Variants in FGFR3 observed in about 807,000 individuals in gnomAD.
FGFR3 encodes the protein fibroblast growth factor receptor 3.
In FGFR3, 25 loss-of-function variants were observed where a neutral mutation model predicts 82.9. That is an observed-to-expected ratio of 0.30 (90% CI 0.22 to 0.42). The LOEUF (loss-of-function observed/expected upper bound fraction) is 0.42, where lower values mean the gene tolerates loss of function less well. Ranked by LOEUF, FGFR3 falls within the 10% of genes least tolerant of loss-of-function variation. FGFR3 has a pLI of 1.00. For synonymous variants in FGFR3, 620 were observed against 516.0 expected, an observed-to-expected ratio of 1.20 and a Z score of -2.73; for missense variants, 1,026 against 1,161.0, an observed-to-expected ratio of 0.88 and a Z score of 1.69.
intron 10 of FGFR3, 91 bp downstream of exon 10, chr4:1,805,060 G>A (rs1721711175): frequency 8.9e-6 from 13 of 1,462,354 alleles, no homozygotes; most frequent in Admixed American, 2.2e-5. Flanking sequence ...GGGTTTAGGG[G>A]CCGTCAGGGA....
In FGFR3 at chr4:1,807,977, G is replaced by A. The variant is rs1722182944; in HGVS notation, c.*715G>A. On this transcript the variant is annotated 3_prime_UTR_variant, in exon 18 of 18. Transcript: ENST00000440486. ...GCCTGCGACCCTGGGGGCACAGGAGGCAGGCATGGCCCTGGGCGGGGCGTG... is the reference window on the plus strand; with the variant it reads ...GCCTGCGACCCTGGGGGCACAGGAGACAGGCATGGCCCTGGGCGGGGCGTG... The A allele has an allele frequency of 4.0e-6, 1 of 252,630 alleles. No individual in the cohort carries two copies. The highest frequency in any genetic ancestry group is 2.2e-5 in the African/African-American group (1 of 45,436). The allele number at this position is 252,630 out of a possible 1,614,324, so 15.6% of individuals were successfully genotyped here.
chr4:1,805,719 G>C (rs1235192208), intron 12 of FGFR3, 31 bp from the exon 13 acceptor site: 3 of 1,611,594 alleles, frequency 1.9e-6, no homozygotes, highest in South Asian at 1.1e-5. Context: ...TCCTGGGCCT[G>C]GCAGCCCGTC....
At position 1,802,029 on chromosome 4, in the gene FGFR3, GGCCACCGTGTGCACGTGGGT is replaced by G. The variant is rs1332973007; in HGVS notation, c.930+8_930+27del. ...ACCCTACGTTACCGTGCTCAAGGTG[GGCCACCGTGTGCACGTGGGT>G]GCCGCCGCTGGGGCTCCTGGGCTGG... On this transcript the variant is annotated splice_donor_5th_base_variant and intron_variant, in intron 7 of 17. Coordinates refer to ENST00000440486, the MANE Select transcript of FGFR3 (RefSeq NM_000142.5). The G allele has an allele frequency of 2.5e-6, 4 of 1,610,616 alleles. No homozygotes were observed. Among genetic ancestry groups the G allele is most frequent in the Admixed American group, 1.7e-5 (1 of 59,858 alleles).
rs774917626 is a variant in FGFR3, at chr4:1,801,473, C to T, written c.552C>T (p.Pro184=). The T allele has an allele frequency of 2.6e-6, 4 of 1,555,564 alleles. No individual in the cohort carries two copies. The highest frequency in any genetic ancestry group is 1.9e-5 in the Admixed American group (1 of 51,530). The change falls in exon 5 of 18, where the codon CCC becomes CCT. Residue 184 remains proline (P), a synonymous_variant. Transcript: ENST00000440486. The part of the protein sequence containing the change: ...FRCPAAGNPT[P]SISWLKNGRE... ...GCCCAGCCGCTGGCAACCCCACTCC[C>T]TCCATCTCCTGGCTGAAGAACGGCA...
chr4:1,804,445 C>T lies in FGFR3; in HGVS notation c.1191C>T (p.Arg397=), dbSNP rs764242973. The T allele has an allele frequency of 3.7e-6, 6 of 1,612,632 alleles. No individual in the cohort carries two copies. The highest frequency in any genetic ancestry group is 5.1e-6 in the Non-Finnish European group (6 of 1,179,692). The stretch of plus-strand genomic sequence containing the variant: ...TGGTGGCGGCTGTGACGCTCTGCCG[C>T]CTGCGCAGCCCCCCCAAGAAAGGCC... ...ILVVAAVTLC[R]LRSPPKKGLG... is the part of the protein sequence containing the mutation. The change falls in exon 9 of 18, where the codon CGC becomes CGT. Residue 397 remains arginine (R), a synonymous_variant. Transcript: ENST00000440486.
intron 9 of FGFR3, 46 bp from the exon 10 acceptor site, chr4:1,804,778 C>T (rs1164419471): frequency 6.5e-7 from 1 of 1,548,182 alleles, no homozygotes; most frequent in African/African-American, 1.4e-5. Context: ...TACCTCCACG[C>T]CCTGTCGCCC....
intron 7 of FGFR3, among the ~76,000 whole-genome samples, chr4:1,802,491 G>T (rs1173136647): frequency 6.6e-6 from 1 of 152,190 alleles, no homozygotes; most frequent in African/African-American, 2.4e-5. Context: ...CATGGCTGCC[G>T]GGTGGGGGCC....
intron 7 of FGFR3, 148 bp from the exon 8 acceptor site, chr4:1,803,544 C>A (rs1275919677): frequency 1.4e-6 from 2 of 1,381,450 alleles, no homozygotes; most frequent in African/African-American, 1.4e-5. Context: ...GGGCCCTCAG[C>A]CGCGTGGCGG....
At chr4:1,795,094 T>A (rs1720322069) in intron 2 of FGFR3, among the ~76,000 whole-genome samples, 1 of 151,344 alleles carries the variant, frequency 6.6e-6, no homozygotes, top group Non-Finnish European at 1.5e-5. Flanking sequence ...CGTCGGCGGC[T>A]GCAGCCTCCC....
At chr4:1,795,791 C>G (rs1038006020) in intron 2 of FGFR3, among the ~76,000 whole-genome samples, 1 of 152,204 alleles carries the variant, frequency 6.6e-6, no homozygotes, top group African/African-American at 2.4e-5. Flanking sequence ...CCACCCCACC[C>G]AGCAGGGGTC....
Position 1,793,942 on chromosome 4 carries a change from C to T in FGFR3, c.8C>T (p.Ala3Val). 1 of 1,325,630 alleles carries T rather than the reference C, an allele frequency of 7.5e-7. No homozygotes were observed. The highest frequency in any genetic ancestry group is 2.1e-5 in the South Asian group (1 of 47,852). The allele number at this position is 1,325,630 out of a possible 1,614,324, so 82.1% of individuals were successfully genotyped here. A position where few individuals can be genotyped will look rare whatever the true frequency, so the allele number is the denominator to read the frequency against. Residue 3 changes from alanine (A) to valine (V), a missense_variant, in exon 2 of 18, where the codon GCC becomes GTC. This residue lies in a region of FGFR3 where 226 missense variants were observed against 222.0 expected (regional missense o/e 1.02). Transcript: ENST00000440486. ...GCGGCCCCCGCCCCCGCCATGGGCG[C>T]CCCTGCCTGCGCCCTCGCGCTCTGC... MG[A>V]PACALALCVA...
intron 2 of FGFR3, among the ~76,000 whole-genome samples, chr4:1,798,465 G>A (rs996221273): frequency 3.3e-5 from 5 of 151,660 alleles, no homozygotes; most frequent in Non-Finnish European, 7.4e-5. Flanking sequence ...TATGTTTTCC[G>A]TCATGACCGC....
At chr4:1,802,147 C>T in intron 7 of FGFR3, 122 bp downstream of exon 7, 1 of 1,079,880 alleles carries the variant, frequency 9.3e-7, no homozygotes. Context: ...GGGGCAGAAG[C>T]TGTGGGGGTG....
chr4:1,799,335 C>G lies in FGFR3; in HGVS notation c.191C>G (p.Pro64Arg), dbSNP rs763406515. 1 of 1,612,588 alleles carries G rather than the reference C, an allele frequency of 6.2e-7. No homozygotes were observed. Among genetic ancestry groups the G allele is most frequent in the Non-Finnish European group, 8.5e-7 (1 of 1,179,900 alleles). ...GCTGTGGAGCTGAGCTGTCCCCCGC[C>G]CGGGGGTGGTCCCATGGGGCCCACT... ...GDAVELSCPP[P>R]GGGPMGPTVW... is the part of the protein sequence containing the mutation. The change falls in exon 3 of 18, where the codon CCC (proline) becomes CGC (arginine). Residue 64 changes from proline to arginine, a missense_variant. Transcript: ENST00000440486.
intron 2 of FGFR3, among the ~76,000 whole-genome samples, chr4:1,796,454 G>C (rs368801420): frequency 1.1e-3 from 172 of 152,236 alleles, no homozygotes; most frequent in African/African-American, 3.9e-3. Context: ...CTGTACCCCA[G>C]AGAGCTGCAG....
intron 4 of FGFR3, 108 bp from the exon 5 acceptor site, chr4:1,801,259 G>T (rs1560414204): frequency 7.9e-7 from 1 of 1,261,832 alleles, no homozygotes; most frequent in Non-Finnish European, 1.1e-6. Flanking sequence ...TACACAGGAC[G>T]GGAAACTGAG....
rs757651823 is a variant in FGFR3, at chr4:1,808,242, G to A, written c.*980G>A. 35 of 232,540 alleles carry A rather than the reference G, an allele frequency of 1.5e-4. No homozygotes were observed. Among genetic ancestry groups the A allele is most frequent in the Non-Finnish European group, 2.5e-4 (29 of 117,646 alleles). The allele number at this position is 232,540 out of a possible 1,614,324, so 14.4% of individuals were successfully genotyped here. On this transcript the variant is annotated 3_prime_UTR_variant, in exon 18 of 18. Coordinates refer to ENST00000440486, the MANE Select transcript of FGFR3 (RefSeq NM_000142.5). Reference sequence around the variant, plus strand: ...AGGTTTATCCCGCCGATAGAGGGACGGCCAAGAATGTACGTCCAGCCTGCC... The same window carrying A: ...AGGTTTATCCCGCCGATAGAGGGACAGCCAAGAATGTACGTCCAGCCTGCC...
chr4:1,806,479 C>G (rs2108810653), intron 15 of FGFR3, 67 bp from the exon 16 acceptor site: 2 of 1,611,740 alleles, frequency 1.2e-6, no homozygotes, highest in Non-Finnish European at 1.7e-6. Flanking sequence ...TGGCCTATTC[C>G]CCTGGTGCCC....
At chr4:1,794,432 C>G (rs1372454733) in intron 2 of FGFR3, among the ~76,000 whole-genome samples, 1 of 152,184 alleles carries the variant, frequency 6.6e-6, no homozygotes, top group East Asian at 1.9e-4. Flanking sequence ...CTCCCCCGGG[C>G]CCCAGTTTGT....
Sources: gnomAD v4.1 joint callset for allele counts (sites outside exome capture counted in the v4.1 genomes callset) on GRCh38, gnomAD v4.1.1 for gene constraint, gnomAD v4.1.1 regional missense constraint, MANE v1.5 for transcripts, NCBI Gene and HGNC (gene_info 2026-07-23, HGNC 2026-07-21) for gene names.